VPS13B: variants seen among roughly 807,000 people sequenced by gnomAD.
The protein encoded by VPS13B is vacuolar protein sorting 13 homolog B.
Under a neutral mutation model 426.4 loss-of-function variants are expected in VPS13B, and 285 were observed. That is an observed-to-expected ratio of 0.67 (90% CI 0.61 to 0.74). VPS13B has a LOEUF of 0.74. Among genes scored for constraint, VPS13B ranks in the 30% least tolerant of loss-of-function variants. VPS13B has a pLI of 0.00. For missense variants in VPS13B, 4,537 were observed against 4,782.6 expected, an observed-to-expected ratio of 0.95 and a Z score of 1.51; for synonymous variants, 1,676 against 1,676.4, an observed-to-expected ratio of 1.00 and a Z score of 0.01.
intron 19 of VPS13B, among the ~76,000 whole-genome samples, chr8:99,314,469 T>C (rs928486854): frequency 6.6e-6 from 1 of 152,218 alleles, no homozygotes; most frequent in Non-Finnish European, 1.5e-5. Context: ...TCTGGTTATT[T>C]CATTGTTAAT....
At chr8:99,525,766 T>C (rs553031802) in intron 30 of VPS13B, among the ~76,000 whole-genome samples, 20 of 152,128 alleles carry the variant, frequency 1.3e-4, no homozygotes, top group Admixed American at 1.2e-3. Flanking sequence ...ATTTAATAAG[T>C]GACATGGAGA....
At chr8:99,563,291 A>ATCTT (rs1393261303) in intron 31 of VPS13B, among the ~76,000 whole-genome samples, 1 of 152,252 alleles carries the variant, frequency 6.6e-6, no homozygotes, top group Non-Finnish European at 1.5e-5. Flanking sequence ...TCCTGTAAGA[A>ATCTT]GTTCAGCATC....
At chr8:99,275,620 A>G (rs1218597947) in intron 19 of VPS13B, among the ~76,000 whole-genome samples, 1 of 152,130 alleles carries the variant, frequency 6.6e-6, no homozygotes, top group African/African-American at 2.4e-5. Context: ...TGGTGTTTTT[A>G]CCTTCTGTAA....
intron 44 of VPS13B, among the ~76,000 whole-genome samples, chr8:99,815,620 T>C (rs1813986234): frequency 6.6e-6 from 1 of 152,004 alleles, no homozygotes; most frequent in East Asian, 1.9e-4. Flanking sequence ...ATACTAAAAT[T>C]AAATATCATA....
intron 35 of VPS13B, among the ~76,000 whole-genome samples, chr8:99,690,316 T>C (rs1037032442): frequency 1.3e-5 from 2 of 152,312 alleles, no homozygotes; most frequent in Admixed American, 1.3e-4. Flanking sequence ...GGAAAGATCG[T>C]AGACTTACAT....
chr8:99,271,350 G>A (rs1159076163), intron 17 of VPS13B, among the ~76,000 whole-genome samples: 2 of 152,056 alleles, frequency 1.3e-5, no homozygotes, highest in Non-Finnish European at 2.9e-5. Context: ...GCTTTAAAAT[G>A]CATAAATATA....
intron 3 of VPS13B, among the ~76,000 whole-genome samples, chr8:99,064,485 A>G (rs567848731): frequency 3.7e-4 from 56 of 152,354 alleles, no homozygotes; most frequent in African/African-American, 1.3e-3. Flanking sequence ...AGCTGATTCG[A>G]TCAAGTTGAA....
chr8:99,444,099 C>CT (rs1289620618), intron 23 of VPS13B, among the ~76,000 whole-genome samples: 6 of 148,418 alleles, frequency 4.0e-5, no homozygotes, highest in Non-Finnish European at 6.0e-5. Flanking sequence ...TCTTTTTTTT[C>CT]TTTTTTTTCT....
At chr8:99,850,802 T>C (rs1020677459) in intron 55 of VPS13B, among the ~76,000 whole-genome samples, 1 of 152,140 alleles carries the variant, frequency 6.6e-6, no homozygotes, top group African/African-American at 2.4e-5. Context: ...GGTAGGCACC[T>C]GTAATCCCAG....
chr8:99,139,070 A>G (rs1437686575), intron 12 of VPS13B, among the ~76,000 whole-genome samples: 2 of 152,236 alleles, frequency 1.3e-5, no homozygotes, highest in Non-Finnish European at 2.9e-5. Flanking sequence ...TACAGATATT[A>G]TAGTCCTTAA....
chr8:99,082,033 C>T (rs921770087), intron 3 of VPS13B, among the ~76,000 whole-genome samples: 5 of 152,178 alleles, frequency 3.3e-5, no homozygotes, highest in Admixed American at 6.5e-5. Flanking sequence ...TGAGGAATCG[C>T]CACACTGACT....
chr8:99,793,243 C>G (rs1317268275), intron 43 of VPS13B, among the ~76,000 whole-genome samples: 1 of 121,418 alleles, frequency 8.2e-6, no homozygotes, highest in African/African-American at 3.3e-5. Context: ...GAGACAGGGT[C>G]TTGCCCTCTC....
At chr8:99,546,040 C>T (rs1823954660) in intron 30 of VPS13B, among the ~76,000 whole-genome samples, 1 of 151,976 alleles carries the variant, frequency 6.6e-6, no homozygotes, top group Non-Finnish European at 1.5e-5. Context: ...TGGACTGTTG[C>T]TGTATTTTTA....
intron 35 of VPS13B, among the ~76,000 whole-genome samples, 194 bp downstream of exon 35, chr8:99,661,685 T>G (rs1830232614): frequency 6.6e-6 from 1 of 152,072 alleles, no homozygotes; most frequent in African/African-American, 2.4e-5. Flanking sequence ...AGAATTACCT[T>G]CAGTCTGACA....
chr8:99,442,392 C>T lies in VPS13B; in HGVS notation c.3211-9C>T, dbSNP rs772598316. On this transcript the variant is annotated splice_polypyrimidine_tract_variant and intron_variant, in intron 22 of 61. Transcript: ENST00000357162. ...ATCCGAATATTTTAATTCTGCTTTTCTTTTCTAGCTTGAAGTACAATCTTG... is the reference window on the plus strand; with the variant it reads ...ATCCGAATATTTTAATTCTGCTTTTTTTTTCTAGCTTGAAGTACAATCTTG... The T allele has an allele frequency of 6.2e-7, 1 of 1,611,056 alleles. No individual in the cohort carries two copies. The highest frequency in any genetic ancestry group is 1.1e-5 in the South Asian group (1 of 90,984).
chr8:99,499,936 T>G (rs1467123218), intron 25 of VPS13B, among the ~76,000 whole-genome samples: 1 of 152,142 alleles, frequency 6.6e-6, no homozygotes, highest in Non-Finnish European at 1.5e-5. Context: ...TGCAGGGAAA[T>G]TGAATTTTCT....
intron 36 of VPS13B, among the ~76,000 whole-genome samples, chr8:99,714,858 T>C (rs143423263): frequency 4.6e-5 from 7 of 152,310 alleles, no homozygotes; most frequent in Non-Finnish European, 4.4e-5. Flanking sequence ...CTTTGATGAT[T>C]AAATTCAGTA....
chr8:99,218,158 C>G (rs1011629944), intron 17 of VPS13B, among the ~76,000 whole-genome samples: 2 of 152,128 alleles, frequency 1.3e-5, no homozygotes, highest in East Asian at 1.9e-4. Flanking sequence ...AGTTGGCAAA[C>G]TGCAGCTTGC....
intron 2 of VPS13B, among the ~76,000 whole-genome samples, chr8:99,022,262 AT>A (rs1163729582): frequency 1.3e-5 from 2 of 148,412 alleles, no homozygotes; most frequent in Admixed American, 6.7e-5. Flanking sequence ...TAATGCTATA[AT>A]TTTTTTCTCT....
Sources: gnomAD v4.1 joint callset for allele counts (sites outside exome capture counted in the v4.1 genomes callset) on GRCh38, gnomAD v4.1.1 for gene constraint, MANE v1.5 for transcripts, NCBI Gene and HGNC (gene_info 2026-07-23, HGNC 2026-07-21) for gene names.